UNC13B: variants seen among roughly 807,000 people sequenced by gnomAD.
UNC13B encodes protein unc-13 homolog B.
In UNC13B, 144 loss-of-function variants were observed where a neutral mutation model predicts 211.0. The ratio of observed to expected loss-of-function variants is 0.68; its 90% CI spans 0.60 to 0.78. The LOEUF is 0.78. UNC13B is among the 30% of genes least tolerant of loss of function. The pLI is 0.00. For missense variants in UNC13B, 1,777 were observed against 2,002.0 expected, an observed-to-expected ratio of 0.89 and a Z score of 2.14; for synonymous variants, 709 against 725.8, an observed-to-expected ratio of 0.98 and a Z score of 0.37.
intron 11 of UNC13B, among the ~76,000 whole-genome samples, chr9:35,319,688 TCTCA>T (rs1165148911): frequency 6.6e-6 from 1 of 151,782 alleles, no homozygotes; most frequent in East Asian, 1.9e-4. Context: ...TGAGATGGGG[TCTCA>T]CTCTGTCACC....
chr9:35,386,118 C>G, intron 23 of UNC13B, 47 bp from the exon 24 acceptor site: 3 of 1,611,966 alleles, frequency 1.9e-6, no homozygotes, highest in Non-Finnish European at 2.5e-6. Context: ...AATATCCCAC[C>G]CAGGTGAGCA....
Position 35,301,072 on chromosome 9 carries a change from C to G in UNC13B, c.1668C>G (p.Asn556Lys), listed in dbSNP as rs908349302. ...GTTCAGGCACAAAGCATCTAACAAA[C>G]TCTGTGGAAAAGTTGGTTTCCTTAG... ...KVGSGTKHLT[N>K]SVEKLVSLVP... The change falls in exon 9 of 40, where the codon AAC becomes AAG. Residue 556 changes from asparagine (N) to lysine (K), a missense_variant. By Grantham distance (94) the Asn-to-Lys change is moderately conservative. Coordinates refer to ENST00000635942, the MANE Select transcript of UNC13B (RefSeq NM_001371189.2). 3.5e-5 allele frequency: 14 copies of G among 398,790 alleles called. No homozygotes were observed. Among genetic ancestry groups the G allele is most frequent in the Non-Finnish European group, 6.2e-5 (14 of 225,982 alleles). 24.7% of individuals were successfully genotyped at this position (398,790 alleles called of 1,614,324 possible). A position where few individuals can be genotyped will look rare whatever the true frequency, so the allele number is the denominator to read the frequency against.
At chr9:35,355,845 A>G (rs1004230886) in intron 11 of UNC13B, among the ~76,000 whole-genome samples, 1 of 152,238 alleles carries the variant, frequency 6.6e-6, no homozygotes, top group African/African-American at 2.4e-5. Flanking sequence ...AACAACAAAT[A>G]TCAAAGCAAT....
At chr9:35,398,807 A>G in intron 32 of UNC13B, 75 bp from the exon 33 acceptor site, 1 of 1,582,300 alleles carries the variant, frequency 6.3e-7, no homozygotes, top group East Asian at 2.2e-5. Context: ...TGGGAATGGG[A>G]CCAAATAGCT....
rs1836106546 is a variant in UNC13B, at chr9:35,399,175, C to T, written c.12089C>T (p.Ala4030Val). Reference sequence around the variant, plus strand: ...TGGACTTGCAGCCTCACCCTCTTTGCCACTGTGTGTGAGAAGACGGTTCTG... The same window carrying T: ...TGGACTTGCAGCCTCACCCTCTTTGTCACTGTGTGTGAGAAGACGGTTCTG... Reference protein sequence around the residue: ...DFLDGNLTLFATVCEKTVLKR... With the variant: ...DFLDGNLTLFVTVCEKTVLKR... Residue 4030 changes from alanine to valine, a missense_variant, in exon 34 of 40, where the codon GCC becomes GTC. Transcript: ENST00000635942. 6.2e-7 allele frequency: 1 copy of T among 1,614,174 alleles called. No individual in the cohort carries two copies. Among genetic ancestry groups the T allele is most frequent in the Non-Finnish European group, 8.5e-7 (1 of 1,180,032 alleles).
chr9:35,252,970 G>C (rs1349622558), intron 6 of UNC13B, among the ~76,000 whole-genome samples: 1 of 152,028 alleles, frequency 6.6e-6, no homozygotes, highest in Non-Finnish European at 1.5e-5. Flanking sequence ...CAGCTATTCA[G>C]TTCACAGAAA....
At chr9:35,244,639 C>T (rs1825984738) in intron 6 of UNC13B, among the ~76,000 whole-genome samples, 1 of 152,056 alleles carries the variant, frequency 6.6e-6, no homozygotes. Context: ...TGTAATGTGC[C>T]TCCCTGTGTG....
At chr9:35,179,691 T>C (rs1821829729) in intron 1 of UNC13B, among the ~76,000 whole-genome samples, 1 of 152,080 alleles carries the variant, frequency 6.6e-6, no homozygotes, top group African/African-American at 2.4e-5. Flanking sequence ...TTTGGAAGGC[T>C]GAGGTGGGAG....
intron 15 of UNC13B, 126 bp downstream of exon 15, chr9:35,376,373 C>G (rs1410838536): frequency 3.2e-6 from 3 of 951,332 alleles, no homozygotes; most frequent in Non-Finnish European, 4.7e-6. Flanking sequence ...GAAACCCTAT[C>G]CATTTCAGAG....
rs914206305 is a variant in UNC13B at position 35,182,438 on chromosome 9, AATTTT to A, written c.22+20149_22+20153del. Among the ~76,000 whole-genome samples the A allele has an allele frequency of 1.0e-4, 15 of 150,746 alleles. No individual in the cohort carries two copies. The South Asian group carries it at 3.0e-3, about 30-fold the overall frequency. On this transcript the variant is annotated intron_variant, in intron 1 of 39. Transcript: ENST00000635942. ...ATTAAAATTTATTTTTTTAACACAA[AATTTT>A]ATTTTATTTTATTTTTATTTATTTT...
chr9:35,379,963 T>C (rs1834710514), intron 17 of UNC13B, among the ~76,000 whole-genome samples: 1 of 152,158 alleles, frequency 6.6e-6, no homozygotes, highest in South Asian at 2.1e-4. Flanking sequence ...CAATGGGATA[T>C]GATAGGCTAA....
chr9:35,282,362 C>T (rs1182614367), intron 7 of UNC13B, among the ~76,000 whole-genome samples: 1 of 152,046 alleles, frequency 6.6e-6, no homozygotes, highest in African/African-American at 2.4e-5. Context: ...TATCTTTAAA[C>T]ACTAGAGTTT....
At chr9:35,277,661 G>C (rs1263108824) in intron 7 of UNC13B, among the ~76,000 whole-genome samples, 2 of 151,808 alleles carry the variant, frequency 1.3e-5, no homozygotes, top group Non-Finnish European at 2.9e-5. Flanking sequence ...AAACCAGGGA[G>C]TATATTTGCA....
At chr9:35,274,207 G>A (rs1828046341) in intron 7 of UNC13B, among the ~76,000 whole-genome samples, 1 of 152,096 alleles carries the variant, frequency 6.6e-6, no homozygotes, top group Admixed American at 6.6e-5. Flanking sequence ...GAGCTTTGTG[G>A]CCTCGCACTC....
intron 32 of UNC13B, 75 bp downstream of exon 32, chr9:35,398,717 C>T (rs2132362911): frequency 1.3e-6 from 2 of 1,577,230 alleles, no homozygotes; most frequent in East Asian, 4.5e-5. Flanking sequence ...TTGCCCCACA[C>T]CTCTCCATAT....
intron 11 of UNC13B, among the ~76,000 whole-genome samples, chr9:35,339,804 A>C (rs555216649): frequency 4.5e-4 from 69 of 152,388 alleles, no homozygotes; most frequent in Middle Eastern, 3.4e-3. Flanking sequence ...GGTGGGTTCC[A>C]TTAGCCTCAG....
chr9:35,323,392 T>C (rs930277737), intron 11 of UNC13B, among the ~76,000 whole-genome samples: 3 of 152,198 alleles, frequency 2.0e-5, no homozygotes, highest in Non-Finnish European at 4.4e-5. Context: ...TTAGGTTGTT[T>C]CTAATGTAGT....
At chr9:35,291,104 A>G in intron 7 of UNC13B, 1 of 1,550,350 alleles carries the variant, frequency 6.5e-7, no homozygotes, top group Non-Finnish European at 8.7e-7. Flanking sequence ...AGAACAACAG[A>G]GTACGTAAGA....
intron 7 of UNC13B, among the ~76,000 whole-genome samples, chr9:35,278,102 T>G (rs536834851): frequency 7.9e-5 from 12 of 152,294 alleles, no homozygotes; most frequent in African/African-American, 2.9e-4. Context: ...CAGGACACAC[T>G]GGCTTAGAGT....
Sources: gnomAD v4.1 joint callset for allele counts (sites outside exome capture counted in the v4.1 genomes callset) on GRCh38, gnomAD v4.1.1 for gene constraint, MANE v1.5 for transcripts, NCBI Gene and HGNC (gene_info 2026-07-23, HGNC 2026-07-21) for gene names.